Variants in SUPT20H observed in about 807,000 individuals in gnomAD.
The protein encoded by SUPT20H is transcription factor SPT20 homolog.
In SUPT20H, 82 loss-of-function variants were observed where a neutral mutation model predicts 122.8. That is an observed-to-expected ratio of 0.67 (90% CI 0.56 to 0.80). The LOEUF (loss-of-function observed/expected upper bound fraction) is 0.80. Among genes scored for constraint, SUPT20H ranks in the 30% least tolerant of loss-of-function variants. The pLI is 0.00. For missense variants in SUPT20H, 831 were observed against 921.6 expected, an observed-to-expected ratio of 0.90 and a Z score of 1.27; for synonymous variants, 291 against 313.0, an observed-to-expected ratio of 0.93 and a Z score of 0.74.
intron 5 of SUPT20H, chr13:37,047,098 T>C (rs1032645069): frequency 6.6e-6 from 1 of 152,598 alleles, no homozygotes; most frequent in South Asian, 2.1e-4. Flanking sequence ...ATGACCAAGC[T>C]CACTTTTTAT....
intron 19 of SUPT20H, chr13:37,023,068 G>T (rs1414333255): frequency 7.8e-7 from 1 of 1,281,518 alleles, no homozygotes; most frequent in Non-Finnish European, 1.0e-6. Flanking sequence ...GGAAAGAAAT[G>T]TGAATGTCCA....
At chr13:37,031,072 G>T (rs2063212816) in intron 12 of SUPT20H, among the ~76,000 whole-genome samples, 1 of 152,202 alleles carries the variant, frequency 6.6e-6, no homozygotes, top group East Asian at 1.9e-4. Flanking sequence ...TATAGTTCAT[G>T]TATATTATGG....
At chr13:37,025,532 A>G (rs2062101153) in intron 16 of SUPT20H, 95 bp from the exon 17 acceptor site, 1 of 756,550 alleles carries the variant, frequency 1.3e-6, no homozygotes, top group East Asian at 2.7e-5. Flanking sequence ...AATGGCAAAA[A>G]GAAAGTTCTA....
chr13:37,022,004 A>G lies in SUPT20H; in HGVS notation c.1661+7T>C, dbSNP rs1408861389. On this transcript the variant is annotated splice_region_variant and intron_variant, in intron 20 of 25. Transcript: ENST00000350612. This position sits in a 1 kb window ranked among gnomAD's most constrained non-coding sequence, Gnocchi z 4.5. The stretch of plus-strand genomic sequence containing the variant: ...AAAAAAAAATCCGAACATCAATGCA[A>G]ACTTACCAAACAGAGCCCACTACAT... 1 of 1,559,056 alleles carries G rather than the reference A, an allele frequency of 6.4e-7. No individual in the cohort carries two copies. The highest frequency in any genetic ancestry group is 8.7e-7 in the Non-Finnish European group (1 of 1,151,842).
At chr13:37,056,157 A>G (rs1436514143) in intron 1 of SUPT20H, among the ~76,000 whole-genome samples, 1 of 152,232 alleles carries the variant, frequency 6.6e-6, no homozygotes, top group African/African-American at 2.4e-5. Context: ...ACACTTTTAC[A>G]TTGTTGGTGG....
At chr13:37,049,547 C>T (rs1277936016) in intron 2 of SUPT20H, among the ~76,000 whole-genome samples, 2 of 152,116 alleles carry the variant, frequency 1.3e-5, no homozygotes, top group Non-Finnish European at 2.9e-5. Context: ...CAAGATCAGC[C>T]TGGCCAACAT....
chr13:37,055,770 A>G (rs1162186280), intron 1 of SUPT20H, among the ~76,000 whole-genome samples: 1 of 152,230 alleles, frequency 6.6e-6, no homozygotes, highest in East Asian at 1.9e-4. Context: ...GACAAATGGG[A>G]TCTAATTAAA....
At chr13:37,052,060 ATGCT>A (rs1042346839) in intron 1 of SUPT20H, among the ~76,000 whole-genome samples, 65 of 152,320 alleles carry the variant, frequency 4.3e-4, no homozygotes, top group African/African-American at 1.5e-3. Flanking sequence ...AAAAAAATCC[ATGCT>A]CATGGATAGG....
At chr13:37,027,751 T>C (rs1347520774) in intron 14 of SUPT20H, among the ~76,000 whole-genome samples, 1 of 152,154 alleles carries the variant, frequency 6.6e-6, no homozygotes, top group Non-Finnish European at 1.5e-5. Flanking sequence ...ATTGAGTCTG[T>C]GTCCTTACAT....
chr13:37,016,549 A>C (rs867880297), intron 23 of SUPT20H, among the ~76,000 whole-genome samples: 2 of 152,186 alleles, frequency 1.3e-5, no homozygotes, highest in South Asian at 2.1e-4. Flanking sequence ...AGAATGAAAA[A>C]ACAGTAAGTT....
chr13:37,046,579 C>T (rs1594453688), intron 5 of SUPT20H, among the ~76,000 whole-genome samples: 1 of 152,092 alleles, frequency 6.6e-6, no homozygotes, highest in Admixed American at 6.6e-5. Context: ...TAAAAACATG[C>T]AGTAGGCCAC....
intron 1 of SUPT20H, among the ~76,000 whole-genome samples, chr13:37,054,236 GA>G (rs1422849022): frequency 6.6e-6 from 1 of 152,092 alleles, no homozygotes; most frequent in Non-Finnish European, 1.5e-5. Flanking sequence ...CCAATCAATG[GA>G]AAAAGAGGGA....
At chr13:37,038,239 C>G (rs1372137241) in intron 9 of SUPT20H, 1 of 152,166 alleles carries the variant, frequency 6.6e-6, no homozygotes, top group East Asian at 1.9e-4. Flanking sequence ...TCTAGATTCA[C>G]TACTTCATTA....
rs568513930 is a variant in SUPT20H, at chr13:37,016,535, G to T, written c.1992+710C>A. 2.0e-5 allele frequency among the ~76,000 whole-genome samples: 3 copies of T among 152,150 alleles called. No homozygotes were observed. The East Asian group carries it at 5.8e-4, about 29-fold the overall frequency. ...TATCTAGCCAAGCAATCTTTAATGT[G>T]TTTAGAATGAAAAAACAGTAAGTTT... On this transcript the variant is annotated intron_variant, in intron 23 of 25. Transcript: ENST00000350612.
chr13:37,026,753 TTTC>T (rs1485822223), intron 15 of SUPT20H, 34 bp downstream of exon 15: 7 of 1,225,544 alleles, frequency 5.7e-6, no homozygotes, highest in African/African-American at 4.8e-5. Context: ...ATTTATGTAA[TTTC>T]TTAACAGATT....
In SUPT20H at chr13:37,040,599, T is replaced by C; in HGVS notation, c.490A>G (p.Ile164Val). Residue 164 changes from isoleucine to valine, a missense_variant, in exon 8 of 26, where the codon ATT (isoleucine) becomes GTT (valine). Ile to Val is a conservative substitution (Grantham distance 29). Transcript: ENST00000350612. Reference sequence around the variant, plus strand: ...ACCTGCATTGTTGGACGTAAGAGAATGTGCCGACTTTGGTAACCAGGAGAT... The same window carrying C: ...ACCTGCATTGTTGGACGTAAGAGAACGTGCCGACTTTGGTAACCAGGAGAT... ...MKSPGYQSRHILLRPTMQTLI... is the reference protein window; with the variant it reads ...MKSPGYQSRHVLLRPTMQTLI... The C allele has an allele frequency of 6.2e-7, 1 of 1,614,138 alleles. No individual in the cohort carries two copies. The highest frequency in any genetic ancestry group is 8.5e-7 in the Non-Finnish European group (1 of 1,179,996).
chr13:37,051,671 G>T, intron 1 of SUPT20H, 88 bp from the exon 2 acceptor site: 1 of 463,796 alleles, frequency 2.2e-6, no homozygotes, highest in Non-Finnish European at 3.9e-6. Flanking sequence ...AATTAACAAG[G>T]AAAATTACTT....
At position 37,024,376 on chromosome 13, in the gene SUPT20H, T is replaced by C. The variant is rs576109111; in HGVS notation, c.1396A>G (p.Ile466Val). ...GKGVKHRPPP[I>V]KLPSSSGNSS... ...TTTCCTGAGCTTGAGGGAAGTTTGA[T>C]TGGTGGGGGTCGATGTTTTACACCC... The change falls in exon 18 of 26, where the codon ATC becomes GTC. Residue 466 changes from isoleucine to valine, a missense_variant. By Grantham distance (29) the Ile-to-Val change is conservative. Transcript: ENST00000350612. 53 of 1,592,898 alleles carry C rather than the reference T, an allele frequency of 3.3e-5. No individual in the cohort carries two copies. The highest frequency in any genetic ancestry group is 8.1e-5 in the African/African-American group (6 of 73,700).
chr13:37,015,057 T>A (rs895305417), intron 23 of SUPT20H, among the ~76,000 whole-genome samples: 1 of 151,896 alleles, frequency 6.6e-6, no homozygotes, highest in African/African-American at 2.4e-5. Flanking sequence ...CTAGAGAACA[T>A]TTATAAGAAA....
Sources: gnomAD v4.1 joint callset for allele counts (sites outside exome capture counted in the v4.1 genomes callset) on GRCh38, gnomAD v4.1.1 for gene constraint, Gnocchi (gnomAD v3.1) non-coding constraint, MANE v1.5 for transcripts, NCBI Gene and HGNC (gene_info 2026-07-23, HGNC 2026-07-21) for gene names.